The following PRR16 variants were observed in gnomAD, a reference collection of about 807,000 sequenced individuals.
PRR16 encodes protein Largen.
A neutral mutation model predicts 18.2 loss-of-function variants in PRR16; 6 were observed. The ratio of observed to expected loss-of-function variants is 0.33; its 90% CI spans 0.18 to 0.65. The LOEUF is 0.65. Among genes scored for constraint, PRR16 ranks in the 30% least tolerant of loss-of-function variants. The pLI is 0.74. For missense variants in PRR16, 412 were observed against 376.6 expected, an observed-to-expected ratio of 1.09 and a Z score of -0.78; for synonymous variants, 151 against 147.8, an observed-to-expected ratio of 1.02 and a Z score of -0.16.
chr5:120,633,882 T>C (rs1755142079), intron 1 of PRR16, among the ~76,000 whole-genome samples: 2 of 151,390 alleles, frequency 1.3e-5, no homozygotes, highest in South Asian at 4.2e-4. Flanking sequence ...ACTAGATAGG[T>C]CATCAAGACA....
downstream of PRR16, among the ~76,000 whole-genome samples, chr5:120,688,957 A>G (rs1335424778): frequency 6.6e-6 from 1 of 152,190 alleles, no homozygotes; most frequent in Non-Finnish European, 1.5e-5. Context: ...ATGAAAGACC[A>G]TATTTTTCTG....
intron 1 of PRR16, among the ~76,000 whole-genome samples, chr5:120,506,290 A>G (rs1295383146): frequency 3.3e-5 from 5 of 152,110 alleles, no homozygotes; most frequent in Non-Finnish European, 7.4e-5. Flanking sequence ...TAAGGAAAAG[A>G]TAAATACAAT....
chr5:120,591,150 G>A (rs1300748555), intron 1 of PRR16, among the ~76,000 whole-genome samples: 7 of 151,730 alleles, frequency 4.6e-5, no homozygotes, highest in Non-Finnish European at 1.0e-4. Flanking sequence ...GTGGTGGTGG[G>A]CGCCTGTAAT....
intron 1 of PRR16, among the ~76,000 whole-genome samples, chr5:120,654,333 T>A (rs1561596485): frequency 6.6e-6 from 1 of 152,008 alleles, no homozygotes; most frequent in African/African-American, 2.4e-5. Context: ...TCCTAATTTT[T>A]TTGTTTCTAC....
At chr5:120,545,570 A>G (rs1752050211) in intron 1 of PRR16, among the ~76,000 whole-genome samples, 1 of 152,050 alleles carries the variant, frequency 6.6e-6, no homozygotes, top group Non-Finnish European at 1.5e-5. Flanking sequence ...GCACTAAATA[A>G]GGTATTTAGT....
the PRR16 span, among the ~76,000 whole-genome samples, chr5:120,705,399 C>T: frequency 6.6e-6 from 1 of 151,896 alleles, no homozygotes; most frequent in Non-Finnish European, 1.5e-5. Context: ...ACATATATAT[C>T]AGTATTTTCC....
At chr5:120,778,057 A>T in the PRR16 span, among the ~76,000 whole-genome samples, 1 of 152,142 alleles carries the variant, frequency 6.6e-6, no homozygotes, top group Non-Finnish European at 1.5e-5. Context: ...CTATGTTATT[A>T]AATACTATTT....
At chr5:120,755,353 C>G in the PRR16 span, among the ~76,000 whole-genome samples, 1 of 152,026 alleles carries the variant, frequency 6.6e-6, no homozygotes, top group South Asian at 2.1e-4. Flanking sequence ...GGCATAGTAT[C>G]CAATACCTAG....
At chr5:120,765,967 TATGGAAAC>T in the PRR16 span, among the ~76,000 whole-genome samples, 91 of 152,138 alleles carry the variant, frequency 6.0e-4, 1 homozygote, top group East Asian at 0.014. Context: ...ATACTACTGT[TATGGAAAC>T]ATACCACAAT....
At chr5:120,678,893 C>G (rs892137541) in intron 1 of PRR16, among the ~76,000 whole-genome samples, 1 of 151,996 alleles carries the variant, frequency 6.6e-6, no homozygotes, top group Admixed American at 6.6e-5. Flanking sequence ...GTAATATAAA[C>G]TGAATTTGGA....
the PRR16 span, among the ~76,000 whole-genome samples, chr5:120,714,111 A>G: frequency 2.6e-5 from 4 of 152,204 alleles, no homozygotes; most frequent in East Asian, 5.8e-4. Flanking sequence ...TGCTTGATAT[A>G]TTTATAATAT....
At chr5:120,638,998 A>T (rs553133166) in intron 1 of PRR16, among the ~76,000 whole-genome samples, 20 of 152,176 alleles carry the variant, frequency 1.3e-4, no homozygotes, top group African/African-American at 4.8e-4. Context: ...AATTATTACA[A>T]CTCTGATTTT....
At chr5:120,566,822 A>G (rs887477672) in intron 1 of PRR16, among the ~76,000 whole-genome samples, 9 of 152,198 alleles carry the variant, frequency 5.9e-5, no homozygotes, top group African/African-American at 1.9e-4. Flanking sequence ...TATTGAAGCT[A>G]TTCTCTATGA....
At chr5:120,752,168 A>C in the PRR16 span, among the ~76,000 whole-genome samples, 1 of 152,096 alleles carries the variant, frequency 6.6e-6, no homozygotes, top group African/African-American at 2.4e-5. Flanking sequence ...ACTGAATTCC[A>C]AATAGAAAAT....
chr5:120,720,101 A>G, the PRR16 span, among the ~76,000 whole-genome samples: 5 of 152,096 alleles, frequency 3.3e-5, no homozygotes, highest in Non-Finnish European at 5.9e-5. Flanking sequence ...CATTTTGTCA[A>G]CTGGTGGCAA....
At chr5:120,583,837 T>C (rs537283927) in intron 1 of PRR16, among the ~76,000 whole-genome samples, 2 of 152,186 alleles carry the variant, frequency 1.3e-5, no homozygotes, top group Non-Finnish European at 2.9e-5. Flanking sequence ...TCTGTAATCA[T>C]TTAGGCAATT....
At chr5:120,667,352 T>G (rs1415115930) in intron 1 of PRR16, among the ~76,000 whole-genome samples, 1 of 151,486 alleles carries the variant, frequency 6.6e-6, no homozygotes, top group African/African-American at 2.4e-5. Flanking sequence ...TCTTTTTTTC[T>G]TTATTAGTCT....
chr5:120,602,899 T>C (rs1472648859), intron 1 of PRR16, among the ~76,000 whole-genome samples: 2 of 152,124 alleles, frequency 1.3e-5, no homozygotes, highest in African/African-American at 2.4e-5. Context: ...CATCATCGCA[T>C]CTCAGGGATA....
chr5:120,661,146 A>G lies in PRR16; in HGVS notation c.160-24808A>G, dbSNP rs188385850. ...TTGTCCTTTCATGTTTTGGGAAGGT[A>G]CATTTTGAGCTTCATATCTTTCTTG... On this transcript the variant is annotated intron_variant, in intron 1 of 1. Coordinates refer to ENST00000407149, the MANE Select transcript of PRR16 (RefSeq NM_001300783.2). Among the ~76,000 whole-genome samples, 6 of 152,230 alleles carry G rather than the reference A, an allele frequency of 3.9e-5. No individual in the cohort carries two copies. The East Asian group carries it at 9.7e-4, about 25-fold the overall frequency.
Sources: allele counts gnomAD v4.1 joint callset (sites outside exome capture counted in the v4.1 genomes callset), GRCh38; gene constraint gnomAD v4.1.1; transcripts MANE v1.5; gene names NCBI Gene and HGNC (gene_info 2026-07-23, HGNC 2026-07-21).